Variants in NAALADL2 observed in about 807,000 individuals in gnomAD.
NAALADL2 encodes the protein N-acetylated alpha-linked acidic dipeptidase like 2.
In NAALADL2, 76 loss-of-function variants were observed where a neutral mutation model predicts 87.2. The observed-to-expected ratio is 0.87, with a 90% CI of 0.72 to 1.05. The LOEUF (loss-of-function observed/expected upper bound fraction) is 1.05. Ranked by LOEUF, NAALADL2 falls within the 50% of genes least tolerant of loss-of-function variation. The pLI, the probability that NAALADL2 is intolerant of heterozygous loss-of-function variation, is 0.00. For synonymous variants in NAALADL2, 354 were observed against 331.0 expected (o/e 1.07, Z -0.75); for missense variants, 1,089 against 945.8 (o/e 1.15, Z -1.99).
chr3:174,972,767 G>A (rs1182143678), intron 1 of NAALADL2, among the ~76,000 whole-genome samples: 1 of 152,050 alleles, frequency 6.6e-6, no homozygotes, highest in Non-Finnish European at 1.5e-5. Flanking sequence ...AGGCCGAGGT[G>A]GGCGGGTCAC....
chr3:174,928,593 A>G (rs1396474102), intron 1 of NAALADL2, among the ~76,000 whole-genome samples: 1 of 152,250 alleles, frequency 6.6e-6, no homozygotes, highest in African/African-American at 2.4e-5. Context: ...TGACTTCTTT[A>G]CAAGTGATAT....
intron 2 of NAALADL2, among the ~76,000 whole-genome samples, chr3:175,219,312 A>G (rs57412733): frequency 2.6e-5 from 4 of 152,126 alleles, no homozygotes; most frequent in African/African-American, 9.7e-5. Context: ...TCATTTTCAA[A>G]TGGTTATTGT....
intron 2 of NAALADL2, among the ~76,000 whole-genome samples, chr3:175,213,888 T>G (rs1742121904): frequency 6.6e-6 from 1 of 152,136 alleles, no homozygotes; most frequent in South Asian, 2.1e-4. Context: ...CCTTCTCATA[T>G]GACATGGGAT....
At chr3:174,549,459 G>C (rs954216262) in intron 1 of NAALADL2, among the ~76,000 whole-genome samples, 1 of 152,042 alleles carries the variant, frequency 6.6e-6, no homozygotes, top group African/African-American at 2.4e-5. Context: ...AAAATCACCT[G>C]GTGTCAATTA....
intron 1 of NAALADL2, among the ~76,000 whole-genome samples, chr3:174,968,761 G>A (rs1175509438): frequency 6.6e-6 from 1 of 152,152 alleles, no homozygotes; most frequent in South Asian, 2.1e-4. Context: ...ACAGATGTGA[G>A]CCACTGCGCC....
chr3:174,979,591 C>T (rs1246274064), intron 1 of NAALADL2, among the ~76,000 whole-genome samples: 1 of 152,054 alleles, frequency 6.6e-6, no homozygotes, highest in African/African-American at 2.4e-5. Context: ...AGGCGTGAAC[C>T]ACCACACCCA....
intron 9 of NAALADL2, among the ~76,000 whole-genome samples, chr3:175,575,242 G>A (rs1214551469): frequency 6.6e-6 from 1 of 152,010 alleles, no homozygotes; most frequent in African/African-American, 2.4e-5. Flanking sequence ...AGGAAGAAAT[G>A]AAGAAAGTTT....
intron 2 of NAALADL2, among the ~76,000 whole-genome samples, chr3:175,184,029 A>G (rs371273092): frequency 1.2e-4 from 18 of 152,026 alleles, no homozygotes; most frequent in Non-Finnish European, 2.5e-4. Context: ...CGTTGCCATC[A>G]TAAGTATTAT....
chr3:175,419,590 G>A (rs1425386088), intron 5 of NAALADL2, among the ~76,000 whole-genome samples: 3 of 151,846 alleles, frequency 2.0e-5, no homozygotes, highest in African/African-American at 7.3e-5. Context: ...TAATTCAAGT[G>A]TGTTCTCAGA....
rs188535845 is a variant in NAALADL2, at chr3:174,558,835, T to C, written c.-115+8198T>C. On this transcript the variant is annotated intron_variant, in intron 2 of 3. Transcript: ENST00000434257. ...ATCAAACATTTTGCCAACATGTACC[T>C]TCCCCAAATTCCTGAAAATTTGTGA... Among the ~76,000 whole-genome samples the C allele has an allele frequency of 1.3e-4, 20 of 152,276 alleles. No homozygotes were observed. The East Asian group carries it at 3.9e-3, about 29-fold the overall frequency.
intron 9 of NAALADL2, among the ~76,000 whole-genome samples, chr3:175,475,012 C>T (rs1439033101): frequency 1.8e-5 from 2 of 109,228 alleles, no homozygotes; most frequent in African/African-American, 3.2e-5. Flanking sequence ...CTTTCATGCA[C>T]AAACATTTAA....
chr3:175,186,980 A>T (rs1272748014), intron 2 of NAALADL2, among the ~76,000 whole-genome samples: 1 of 152,178 alleles, frequency 6.6e-6, no homozygotes, highest in Non-Finnish European at 1.5e-5. Context: ...ACAATCCTTT[A>T]GTTCACTATT....
rs9832839 is a variant in NAALADL2 at position 175,758,762 on chromosome 3, A to G, written c.2189+3344A>G. Reference sequence around the variant, plus strand: ...AAAATAAAATTGTTAATTACATTGTACAAAAGAACATTTGGTGAACAGGGT... The same window carrying G: ...AAAATAAAATTGTTAATTACATTGTGCAAAAGAACATTTGGTGAACAGGGT... On this transcript the variant is annotated intron_variant, in intron 13 of 13. Coordinates refer to ENST00000454872, the MANE Select transcript of NAALADL2 (RefSeq NM_207015.3). 4.4e-3 allele frequency among the ~76,000 whole-genome samples: 670 copies of G among 152,276 alleles called. 6 individuals are homozygous for G. The highest frequency in any genetic ancestry group is 0.015 in the African/African-American group (640 of 41,570).
At chr3:174,553,666 A>G (rs927746349) in intron 2 of NAALADL2, among the ~76,000 whole-genome samples, 2 of 152,170 alleles carry the variant, frequency 1.3e-5, no homozygotes, top group African/African-American at 2.4e-5. Flanking sequence ...ATCTTCATCT[A>G]GGACACTTAG....
At chr3:174,746,722 A>G (rs1734296285) in intron 3 of NAALADL2, among the ~76,000 whole-genome samples, 1 of 152,224 alleles carries the variant, frequency 6.6e-6, no homozygotes, top group South Asian at 2.1e-4. Flanking sequence ...TGGTACTGGT[A>G]TAAAAGACAC....
At chr3:175,687,613 G>A (rs1258542076) in intron 11 of NAALADL2, among the ~76,000 whole-genome samples, 1 of 152,170 alleles carries the variant, frequency 6.6e-6, no homozygotes, top group Non-Finnish European at 1.5e-5. Flanking sequence ...GCACTATGCT[G>A]CCTTGGTATT....
At chr3:175,400,876 G>A (rs2193849) in intron 5 of NAALADL2, among the ~76,000 whole-genome samples, 126,022 of 152,116 alleles carry the variant, frequency 0.83, 52,328 homozygotes, top group African/African-American at 0.89. Context: ...TTATCAATCA[G>A]GAAGTTGGTA....
chr3:175,429,290 A>G (rs926878047), intron 5 of NAALADL2, among the ~76,000 whole-genome samples: 26 of 151,878 alleles, frequency 1.7e-4, no homozygotes, highest in African/African-American at 6.3e-4. Context: ...TGGGGAGAGC[A>G]GGAAAACCTA....
Position 175,408,963 on chromosome 3 carries a change from GT to G in NAALADL2, c.1091-38262del, listed in dbSNP as rs201172940. On this transcript the variant is annotated intron_variant, in intron 5 of 13. Coordinates refer to ENST00000454872, the MANE Select transcript of NAALADL2 (RefSeq NM_207015.3). ...GACTAAGCCTCATTCATTTTCTTGG[GT>G]TTTATTTACAGTTATTTACACTATA... 3.2e-3 allele frequency among the ~76,000 whole-genome samples: 482 copies of G among 151,836 alleles called. 2 individuals are homozygous for G. The highest frequency in any genetic ancestry group is 0.01 in the African/African-American group (434 of 41,456).
Sources: allele counts gnomAD v4.1 joint callset (sites outside exome capture counted in the v4.1 genomes callset), GRCh38; gene constraint gnomAD v4.1.1; transcripts MANE v1.5; gene names NCBI Gene and HGNC (gene_info 2026-07-23, HGNC 2026-07-21).